FGF7: variants seen among roughly 807,000 people sequenced by gnomAD.
FGF7 encodes FGF-7.
Under a neutral mutation model 20.5 loss-of-function variants are expected in FGF7, and 6 were observed. The ratio of observed to expected loss-of-function variants is 0.29; its 90% CI spans 0.16 to 0.58. The LOEUF (loss-of-function observed/expected upper bound fraction) is 0.58, where lower values mean the gene tolerates loss of function less well. Among genes scored for constraint, FGF7 ranks in the 20% least tolerant of loss-of-function variants. The pLI is 0.90. For synonymous variants in FGF7, 64 were observed against 74.7 expected (o/e 0.86, Z 0.74); for missense variants, 144 against 228.8 (o/e 0.63, Z 2.39).
intron 2 of FGF7, among the ~76,000 whole-genome samples, chr15:49,474,937 C>T (rs113721624): frequency 0.026 from 3,999 of 152,118 alleles, 191 homozygotes; most frequent in African/African-American, 0.093. Flanking sequence ...CACCATACCC[C>T]AGAATTAATT....
intron 2 of FGF7, among the ~76,000 whole-genome samples, chr15:49,427,525 T>G (rs1190702071): frequency 6.6e-6 from 1 of 152,022 alleles, no homozygotes; most frequent in African/African-American, 2.4e-5. Context: ...TAAGTTAGTA[T>G]AGATTTTAGT....
chr15:49,477,219 C>T (rs1474771418), intron 2 of FGF7, among the ~76,000 whole-genome samples: 3 of 152,146 alleles, frequency 2.0e-5, no homozygotes, highest in South Asian at 2.1e-4. Context: ...CTAAGGTCCA[C>T]GTTTTGCTTT....
intron 2 of FGF7, among the ~76,000 whole-genome samples, chr15:49,432,560 T>C (rs1346815211): frequency 6.6e-6 from 1 of 151,682 alleles, no homozygotes; most frequent in African/African-American, 2.4e-5. Context: ...TTATTAAATT[T>C]CAACTTGAGA....
At chr15:49,445,185 G>A (rs1207464338) in intron 2 of FGF7, among the ~76,000 whole-genome samples, 1 of 151,542 alleles carries the variant, frequency 6.6e-6, no homozygotes, top group African/African-American at 2.4e-5. Context: ...TATATTGTGT[G>A]ATGCTAAAGT....
Position 49,463,208 on chromosome 15 carries a change from C to T in FGF7, c.287-19943C>T, listed in dbSNP as rs150943692. On this transcript the variant is annotated intron_variant, in intron 2 of 3. Transcript: ENST00000267843. ...TGCCAATTTATCTCCCACACTGCTGCTAGAAGTATTTTTCTAAACTTTTCA... is the reference window on the plus strand; with the variant it reads ...TGCCAATTTATCTCCCACACTGCTGTTAGAAGTATTTTTCTAAACTTTTCA... Among the ~76,000 whole-genome samples the T allele has an allele frequency of 9.4e-4, 143 of 152,274 alleles. 4 individuals are homozygous for T. The East Asian group carries it at 0.021, about 22-fold the overall frequency.
chr15:49,487,243 C>T lies in FGF7; in HGVS notation c.*2739C>T, dbSNP rs1472700438. On this transcript the variant is annotated 3_prime_UTR_variant, in exon 4 of 4. Coordinates refer to ENST00000267843, the MANE Select transcript of FGF7 (RefSeq NM_002009.4). ...TTGTTTATGAATGGAAAGCTTTGTG[C>T]AAAATATACATATAAGCAGAGTAAG... is the stretch of plus-strand genomic sequence containing the variant. 2.0e-5 allele frequency: 3 copies of T among 151,442 alleles called. No homozygotes were observed. Among genetic ancestry groups the T allele is most frequent in the Non-Finnish European group, 3.0e-5 (2 of 67,726 alleles). 9.4% of individuals were successfully genotyped at this position (151,442 alleles called of 1,614,324 possible).
chr15:49,484,296 G>A lies in FGF7; in HGVS notation c.391-14G>A. 6.4e-7 allele frequency: 1 copy of A among 1,571,190 alleles called. No individual in the cohort carries two copies. The highest frequency in any genetic ancestry group is 1.1e-5 in the South Asian group (1 of 88,542). On this transcript the variant is annotated splice_polypyrimidine_tract_variant and intron_variant, in intron 3 of 3. Coordinates refer to ENST00000267843, the MANE Select transcript of FGF7 (RefSeq NM_002009.4). ...TCATTTGGATAATGTCTGTTTGTTT[G>A]TTTGTTTTAACAGAAAGAATGCAAT...
rs1274574761 is a variant in FGF7 at position 49,423,408 on chromosome 15, T to C, written c.-299T>C. The stretch of plus-strand genomic sequence containing the variant: ...CACCAGGCAGACAACAGACATGGAA[T>C]TCTTATATATCCAGCTGTTAGCAAC... On this transcript the variant is annotated 5_prime_UTR_variant, in exon 1 of 4. Coordinates refer to ENST00000267843, the MANE Select transcript of FGF7 (RefSeq NM_002009.4). 6.6e-6 allele frequency: 1 copy of C among 152,184 alleles called. No individual in the cohort carries two copies. Among genetic ancestry groups the C allele is most frequent in the Non-Finnish European group, 1.5e-5 (1 of 68,030 alleles). 9.4% of individuals were successfully genotyped at this position (152,184 alleles called of 1,614,324 possible).
At chr15:49,465,954 G>C (rs2054231770) in intron 2 of FGF7, among the ~76,000 whole-genome samples, 1 of 152,048 alleles carries the variant, frequency 6.6e-6, no homozygotes, top group Non-Finnish European at 1.5e-5. Context: ...AAGTACTGGG[G>C]GTTAGCTGAA....
chr15:49,438,459 T>C (rs1027064507), intron 2 of FGF7, among the ~76,000 whole-genome samples: 1 of 151,712 alleles, frequency 6.6e-6, no homozygotes, highest in African/African-American at 2.4e-5. Flanking sequence ...AGATTGTCAA[T>C]TGCAGAAGAG....
rs2053170467 is a variant in FGF7 at position 49,455,205 on chromosome 15, C to T, written c.287-27946C>T. Among the ~76,000 whole-genome samples the T allele has an allele frequency of 2.0e-5, 3 of 152,168 alleles. No homozygotes were observed. In the South Asian group the frequency reaches 6.2e-4, roughly 32 times the overall value. ...AGGCACCTCAAGTCTGGTGATATTC[C>T]TGTTCACCTGTGTGTCAGGCATTCT... On this transcript the variant is annotated intron_variant, in intron 2 of 3. Transcript: ENST00000267843.
rs2049913779 is a variant in FGF7 at position 49,424,029 on chromosome 15, C to T, written c.-266-3C>T. 5.9e-6 allele frequency: 2 copies of T among 336,528 alleles called. No homozygotes were observed. Among genetic ancestry groups the T allele is most frequent in the African/African-American group, 4.2e-5 (2 of 47,732 alleles). The allele number at this position is 336,528 out of a possible 1,614,324, so 20.8% of individuals were successfully genotyped here. A position where few individuals can be genotyped will look rare whatever the true frequency, so the allele number is the denominator to read the frequency against. On this transcript the variant is annotated splice_polypyrimidine_tract_variant and splice_region_variant and intron_variant, in intron 1 of 3. Transcript: ENST00000267843. ...CCTATTCTTAATCTCTCATTGCAAA[C>T]AGAAGTCAAATAGCAAACAGCGTCA... is the stretch of plus-strand genomic sequence containing the variant.
At chr15:49,431,321 T>G (rs1028663586) in intron 2 of FGF7, among the ~76,000 whole-genome samples, 1 of 151,958 alleles carries the variant, frequency 6.6e-6, no homozygotes, top group East Asian at 1.9e-4. Context: ...TTATCTGCAT[T>G]TGAGATTATA....
intron 2 of FGF7, among the ~76,000 whole-genome samples, chr15:49,430,531 A>G (rs1204057494): frequency 6.6e-6 from 1 of 151,810 alleles, no homozygotes; most frequent in East Asian, 1.9e-4. Flanking sequence ...ATAAGAGAAT[A>G]CTGCAGATTG....
chr15:49,485,113 T>A lies in FGF7; in HGVS notation c.*609T>A, dbSNP rs2056298189. 2.6e-5 allele frequency: 4 copies of A among 152,202 alleles called. No individual in the cohort carries two copies. Among genetic ancestry groups the A allele is most frequent in the Non-Finnish European group, 5.9e-5 (4 of 67,946 alleles). The allele number at this position is 152,202 out of a possible 1,614,324, so 9.4% of individuals were successfully genotyped here. Reference sequence around the variant, plus strand: ...TTAACAAAAGTACAGGATTAGAACATGCTTATACCTATAAATAAGAACAAA... The same window carrying A: ...TTAACAAAAGTACAGGATTAGAACAAGCTTATACCTATAAATAAGAACAAA... On this transcript the variant is annotated 3_prime_UTR_variant, in exon 4 of 4. Coordinates refer to ENST00000267843, the MANE Select transcript of FGF7 (RefSeq NM_002009.4).
intron 2 of FGF7, among the ~76,000 whole-genome samples, chr15:49,456,825 C>G (rs2053339876): frequency 6.6e-6 from 1 of 152,072 alleles, no homozygotes; most frequent in South Asian, 2.1e-4. Context: ...TTGTGAGAAT[C>G]AGTGGCAGTC....
Position 49,443,171 on chromosome 15 carries a change from T to G in FGF7, c.286+18588T>G, listed in dbSNP as rs369594559. Among the ~76,000 whole-genome samples, 3 of 151,822 alleles carry G rather than the reference T, an allele frequency of 2.0e-5. No individual in the cohort carries two copies. The East Asian group carries it at 5.8e-4, about 30-fold the overall frequency. On this transcript the variant is annotated intron_variant, in intron 2 of 3. Coordinates refer to ENST00000267843, the MANE Select transcript of FGF7 (RefSeq NM_002009.4). ...TTAAATTTTCAAAAATTTTGTTAAC[T>G]TATTAAATACAGCCATTATTAAACA...
chr15:49,482,416 T>C (rs1358026426), intron 2 of FGF7, among the ~76,000 whole-genome samples: 1 of 152,146 alleles, frequency 6.6e-6, no homozygotes. Context: ...ACAGGATTCA[T>C]AATTTTGTTT....
chr15:49,426,800 C>T (rs1842625658), intron 2 of FGF7, among the ~76,000 whole-genome samples: 4 of 151,940 alleles, frequency 2.6e-5, no homozygotes, highest in Admixed American at 6.6e-5. Flanking sequence ...ACAAGATACA[C>T]ATCATGTAAA....
Sources: gnomAD v4.1 joint callset for allele counts (sites outside exome capture counted in the v4.1 genomes callset) on GRCh38, gnomAD v4.1.1 for gene constraint, MANE v1.5 for transcripts, NCBI Gene and HGNC (gene_info 2026-07-23, HGNC 2026-07-21) for gene names.